CNTD1: variants seen among roughly 807,000 people sequenced by gnomAD.
CNTD1 encodes cyclin N-terminal domain containing 1, also known as cyclin N-terminal domain-containing protein 1.
CNTD1 carries 17 observed loss-of-function variants against 36.3 expected under a neutral mutation model. The ratio of observed to expected loss-of-function variants is 0.47; its 90% CI spans 0.32 to 0.70. CNTD1 has a LOEUF of 0.70. CNTD1 is among the 30% of genes least tolerant of loss of function. CNTD1 has a pLI of 0.03. For missense variants in CNTD1, 338 were observed against 386.1 expected (o/e 0.88, Z 1.04); for synonymous variants, 128 against 153.3 (o/e 0.83, Z 1.22).
rs779037236 is a variant in CNTD1, at chr17:42,803,600, C to CT, written c.170-14dup. On this transcript the variant is annotated intron_variant, in intron 1 of 6. Coordinates refer to ENST00000588408, the MANE Select transcript of CNTD1 (RefSeq NM_173478.3). ...TTGGTTGCATCTTGTGAATTAGGCT[C>CT]TTTTTTCCTGTTTTGGCAGAGTTTG... 6.2e-7 allele frequency: 1 copy of CT among 1,608,936 alleles called. No individual in the cohort carries two copies.
intron 1 of CNTD1, among the ~76,000 whole-genome samples, chr17:42,799,924 T>A (rs1185735996): frequency 2.7e-5 from 4 of 147,662 alleles, no homozygotes; most frequent in Admixed American, 6.7e-5. Context: ...AAAAGCCGGG[T>A]GTGGTGGCGG....
chr17:42,801,513 ATAT>A (rs1567660149), intron 1 of CNTD1, among the ~76,000 whole-genome samples: 3,351 of 54,516 alleles, frequency 0.061, 145 homozygotes, highest in East Asian at 0.13. Flanking sequence ...AAAAAAAAAT[ATAT>A]ATATATATAT....
rs930394484 is a variant in CNTD1 at position 42,811,250 on chromosome 17, G to T, written c.*1715G>T. 6.7e-6 allele frequency: 2 copies of T among 297,954 alleles called. No homozygotes were observed. The highest frequency in any genetic ancestry group is 2.2e-5 in the African/African-American group (1 of 46,270). 18.5% of individuals were successfully genotyped at this position (297,954 alleles called of 1,614,324 possible). On this transcript the variant is annotated 3_prime_UTR_variant, in exon 7 of 7. Transcript: ENST00000588408. ...TTGGCGGGGGAGAAAGGAGGCAGAA[G>T]AAAAGAAATGCTTTGTTTTGGGGTG...
chr17:42,809,748 G>A lies in CNTD1; in HGVS notation c.*213G>A. 2.0e-6 allele frequency: 1 copy of A among 500,560 alleles called. No homozygotes were observed. Among genetic ancestry groups the A allele is most frequent in the Non-Finnish European group, 3.5e-6 (1 of 282,762 alleles). 31.0% of individuals were successfully genotyped at this position (500,560 alleles called of 1,614,324 possible). On this transcript the variant is annotated 3_prime_UTR_variant, in exon 7 of 7. Coordinates refer to ENST00000588408, the MANE Select transcript of CNTD1 (RefSeq NM_173478.3). ...TCAGCCTGAAAATGTTAAAAAGCTA[G>A]GTGGAGACAGATTAGTTGTTTCATT...
intron 1 of CNTD1, among the ~76,000 whole-genome samples, chr17:42,801,510 AAT>A (rs1216506814): frequency 0.06 from 3,234 of 54,010 alleles, 76 homozygotes; most frequent in Middle Eastern, 0.1. Flanking sequence ...AAAAAAAAAA[AAT>A]ATATATATAT....
intron 2 of CNTD1, 97 bp from the exon 3 acceptor site, chr17:42,804,128 C>T: frequency 1.7e-6 from 2 of 1,174,058 alleles, no homozygotes; most frequent in Middle Eastern, 2.4e-4. Flanking sequence ...TGTGAGCCAC[C>T]ATGCTCAGCC....
chr17:42,807,897 G>A, intron 6 of CNTD1, 33 bp downstream of exon 6: 1 of 1,477,600 alleles, frequency 6.8e-7, no homozygotes, highest in Non-Finnish European at 9.5e-7. Flanking sequence ...AGCATGGTGA[G>A]AATTCATTTA....
At chr17:42,807,480 T>C (rs2054900098) in intron 5 of CNTD1, among the ~76,000 whole-genome samples, 1 of 151,688 alleles carries the variant, frequency 6.6e-6, no homozygotes, top group Non-Finnish European at 1.5e-5. Flanking sequence ...GTTTGATTAC[T>C]GTAAAGTCAG....
intron 6 of CNTD1, among the ~76,000 whole-genome samples, chr17:42,809,081 T>C (rs1250154600): frequency 6.6e-6 from 1 of 152,196 alleles, no homozygotes; most frequent in East Asian, 1.9e-4. Context: ...GTCCAACAAT[T>C]ATATCTTCTC....
At chr17:42,805,174 A>G (rs2054858323) in intron 3 of CNTD1, among the ~76,000 whole-genome samples, 1 of 152,186 alleles carries the variant, frequency 6.6e-6, no homozygotes, top group Admixed American at 6.5e-5. Flanking sequence ...CCCAATGCCT[A>G]TACAGTAAAA....
At chr17:42,805,987 G>A in intron 4 of CNTD1, 103 bp downstream of exon 4, 1 of 1,124,530 alleles carries the variant, frequency 8.9e-7, no homozygotes, top group Non-Finnish European at 1.2e-6. Flanking sequence ...CAGCACTTTG[G>A]GAGGCTGAGG....
At chr17:42,807,108 GGTCA>G (rs535742314) in intron 5 of CNTD1, among the ~76,000 whole-genome samples, 6 of 151,986 alleles carry the variant, frequency 3.9e-5, no homozygotes, top group Admixed American at 2.6e-4. Flanking sequence ...GGACTGCTTT[GGTCA>G]GTCATTTAGA....
At position 42,811,415 on chromosome 17, in the gene CNTD1, T is replaced by G. The variant is rs1674744550; in HGVS notation, c.*1880T>G. 7.3e-6 allele frequency: 3 copies of G among 412,180 alleles called. No individual in the cohort carries two copies. Among genetic ancestry groups the G allele is most frequent in the Non-Finnish European group, 1.3e-5 (3 of 237,020 alleles). 25.5% of individuals were successfully genotyped at this position (412,180 alleles called of 1,614,324 possible). On this transcript the variant is annotated 3_prime_UTR_variant, in exon 7 of 7. Transcript: ENST00000588408. ...TTGAAACTGGAGAGGAGGCTTGAGC[T>G]CTATGCCAAGAAAACCCCCTAAACC...
chr17:42,799,058 GCTCGTGAATATGGACGGA>G lies in CNTD1; in HGVS notation c.-8_10del. The G allele has an allele frequency of 6.2e-7, 1 of 1,613,390 alleles. No individual in the cohort carries two copies. Among genetic ancestry groups the G allele is most frequent in the Non-Finnish European group, 8.5e-7 (1 of 1,179,720 alleles). On this transcript the variant is annotated start_lost and 5_prime_UTR_variant, in exon 1 of 7. Transcript: ENST00000588408. ...TGAACCCGTCCAGGTGCCCCAAGAG[GCTCGTGAATATGGACGGA>G]CCCATGAGGCCACGATCGGCCTCCC...
Position 42,809,983 on chromosome 17 carries a change from A to C in CNTD1, c.*448A>C, listed in dbSNP as rs2054958749. On this transcript the variant is annotated 3_prime_UTR_variant, in exon 7 of 7. Coordinates refer to ENST00000588408, the MANE Select transcript of CNTD1 (RefSeq NM_173478.3). Reference sequence around the variant, plus strand: ...CACAAACAAGGCTTCCTCAACAGCTATCTATTTTTACTAGAGTCTTTTTTT... The same window carrying C: ...CACAAACAAGGCTTCCTCAACAGCTCTCTATTTTTACTAGAGTCTTTTTTT... 6.6e-6 allele frequency: 1 copy of C among 152,508 alleles called. No individual in the cohort carries two copies. Among genetic ancestry groups the C allele is most frequent in the Admixed American group, 6.5e-5 (1 of 15,282 alleles). The allele number at this position is 152,508 out of a possible 1,614,324, so 9.4% of individuals were successfully genotyped here.
chr17:42,806,556 G>T, intron 4 of CNTD1, 118 bp from the exon 5 acceptor site: 1 of 1,039,548 alleles, frequency 9.6e-7, no homozygotes, highest in Non-Finnish European at 1.4e-6. Flanking sequence ...GTTTCTTGTA[G>T]TAGAACATAG....
chr17:42,798,830 G>A (rs1321560740), upstream of CNTD1: 11 of 1,443,168 alleles, frequency 7.6e-6, no homozygotes, highest in East Asian at 2.5e-5. Flanking sequence ...GGACGCGGGA[G>A]GTGAGAAGCG....
At chr17:42,809,221 G>T in intron 6 of CNTD1, 144 bp from the exon 7 acceptor site, 2 of 696,600 alleles carry the variant, frequency 2.9e-6, no homozygotes, top group Non-Finnish European at 4.8e-6. Context: ...AATATAATTT[G>T]GCCATTGGCA....
In CNTD1 at chr17:42,811,543, C is replaced by T; in HGVS notation, c.*2008C>T. On this transcript the variant is annotated 3_prime_UTR_variant, in exon 7 of 7. Transcript: ENST00000588408. ...CCCATCAATGTCATGTGATTCTGTG[C>T]CATTTTTTTGCTTTCCCACCATTTA... The T allele has an allele frequency of 7.1e-7, 1 of 1,401,180 alleles. No homozygotes were observed. The highest frequency in any genetic ancestry group is 9.7e-7 in the Non-Finnish European group (1 of 1,028,760). The allele number at this position is 1,401,180 out of a possible 1,614,324, so 86.8% of individuals were successfully genotyped here.
Sources: allele counts gnomAD v4.1 joint callset (sites outside exome capture counted in the v4.1 genomes callset), GRCh38; gene constraint gnomAD v4.1.1; transcripts MANE v1.5; gene names NCBI Gene and HGNC (gene_info 2026-07-23, HGNC 2026-07-21).